PLD1: variants seen among roughly 807,000 people sequenced by gnomAD.
PLD1 encodes the protein choline phosphatase 1.
In PLD1, 112 loss-of-function variants were observed where a neutral mutation model predicts 137.1. That is an observed-to-expected ratio of 0.82 (90% CI 0.70 to 0.96). The LOEUF (loss-of-function observed/expected upper bound fraction) is 0.96. PLD1 is among the 40% of genes least tolerant of loss of function. The pLI is 0.00. For synonymous variants in PLD1, 431 were observed against 454.7 expected (o/e 0.95, Z 0.66); for missense variants, 1,321 against 1,342.0 (o/e 0.98, Z 0.24).
At chr3:171,639,241 T>C (rs1735426322) in intron 23 of PLD1, among the ~76,000 whole-genome samples, 1 of 141,906 alleles carries the variant, frequency 7.0e-6, no homozygotes, top group Admixed American at 7.2e-5. Flanking sequence ...TATACATATA[T>C]TTATAATATA....
At chr3:171,621,568 A>G (rs1030072307) in intron 23 of PLD1, among the ~76,000 whole-genome samples, 2 of 152,208 alleles carry the variant, frequency 1.3e-5, no homozygotes, top group African/African-American at 4.8e-5. Flanking sequence ...GGTATCTTGG[A>G]AAGAAATTCA....
In PLD1 at chr3:171,713,948, C is replaced by T; in HGVS notation, c.856G>A (p.Val286Met). 1.9e-6 allele frequency: 3 copies of T among 1,612,994 alleles called. No individual in the cohort carries two copies. The highest frequency in any genetic ancestry group is 2.5e-6 in the Non-Finnish European group (3 of 1,178,974). Reference protein sequence around the residue: ...LLVDKEFKIKVGKKETETKYG... With the variant: ...LLVDKEFKIKMGKKETETKYG... Reference sequence around the variant, plus strand: ...TTCGTTTCTGTCTCCTTCTTCCCCACCTTAATTTTGAATTCTTTGTCTACC... The same window carrying T: ...TTCGTTTCTGTCTCCTTCTTCCCCATCTTAATTTTGAATTCTTTGTCTACC... The change falls in exon 9 of 27, where the codon GTG (valine) becomes ATG (methionine). Residue 286 changes from valine to methionine, a missense_variant. Val to Met is a conservative substitution (Grantham distance 21). Transcript: ENST00000351298.
At chr3:171,797,795 G>A (rs557437640) in intron 1 of PLD1, among the ~76,000 whole-genome samples, 1 of 152,150 alleles carries the variant, frequency 6.6e-6, no homozygotes, top group East Asian at 1.9e-4. Context: ...TTTATTTTGG[G>A]CCTCTTATTT....
chr3:171,636,676 G>T (rs945323736), intron 23 of PLD1, among the ~76,000 whole-genome samples: 26 of 151,776 alleles, frequency 1.7e-4, no homozygotes, highest in African/African-American at 6.3e-4. Context: ...GAATTTCTTA[G>T]AATTTCCTGC....
chr3:171,664,370 A>G (rs1560193889), intron 19 of PLD1, among the ~76,000 whole-genome samples: 3 of 152,182 alleles, frequency 2.0e-5, no homozygotes, highest in Non-Finnish European at 4.4e-5. Flanking sequence ...CTTTGAGAAG[A>G]TTCTCATGCT....
intron 11 of PLD1, among the ~76,000 whole-genome samples, chr3:171,700,741 C>A (rs184103869): frequency 5.9e-5 from 9 of 152,200 alleles, no homozygotes; most frequent in Admixed American, 2.6e-4. Flanking sequence ...GGAAGGTCGG[C>A]TGATATATGA....
intron 1 of PLD1, among the ~76,000 whole-genome samples, 180 bp downstream of exon 1, chr3:171,810,219 G>A (rs1724057915): frequency 6.6e-6 from 1 of 152,362 alleles, no homozygotes; most frequent in East Asian, 1.9e-4. Context: ...GAAGGCGTGC[G>A]AGGGAGGCCC....
chr3:171,748,344 G>A (rs1450561660), intron 1 of PLD1, among the ~76,000 whole-genome samples: 2 of 152,094 alleles, frequency 1.3e-5, no homozygotes, highest in African/African-American at 4.8e-5. Flanking sequence ...TAAAAACTGT[G>A]GTCAGACTTC....
chr3:171,794,053 A>T (rs993030887), intron 1 of PLD1: 4 of 152,214 alleles, frequency 2.6e-5, no homozygotes, highest in Admixed American at 2.0e-4. Context: ...CTGAGGAAGG[A>T]GAATCGCTTG....
rs771056824 is a variant in PLD1, at chr3:171,737,670, A to T, written c.161-11T>A. 1 of 1,496,214 alleles carries T rather than the reference A, an allele frequency of 6.7e-7. No individual in the cohort carries two copies. Among genetic ancestry groups the T allele is most frequent in the Non-Finnish European group, 9.2e-7 (1 of 1,092,278 alleles). The allele number at this position is 1,496,214 out of a possible 1,614,324, so 92.7% of individuals were successfully genotyped here. A position where few individuals can be genotyped will look rare whatever the true frequency, so the allele number is the denominator to read the frequency against. On this transcript the variant is annotated splice_polypyrimidine_tract_variant and intron_variant, in intron 2 of 26. Coordinates refer to ENST00000351298, the MANE Select transcript of PLD1 (RefSeq NM_002662.5). ...AGAAAGGGATATACACTAAAAAAAA[A>T]AGTAAATAAAGTTAATGCAATATAT...
intron 1 of PLD1, among the ~76,000 whole-genome samples, chr3:171,795,300 G>A (rs575593532): frequency 6.6e-4 from 100 of 152,258 alleles, no homozygotes; most frequent in African/African-American, 2.3e-3. Context: ...AAGTGGGGCC[G>A]CCTTTATTCA....
chr3:171,615,161 G>A (rs1732994331), intron 24 of PLD1, among the ~76,000 whole-genome samples: 1 of 152,180 alleles, frequency 6.6e-6, no homozygotes, highest in South Asian at 2.1e-4. Flanking sequence ...AACAGTTGTA[G>A]TATTACCCTA....
At chr3:171,756,197 C>A (rs1481627979) in intron 1 of PLD1, among the ~76,000 whole-genome samples, 1 of 152,168 alleles carries the variant, frequency 6.6e-6, no homozygotes, top group Non-Finnish European at 1.5e-5. Flanking sequence ...ACCTTTCCAC[C>A]CCCTTCTGCC....
At chr3:171,632,832 C>T (rs1042934452) in intron 23 of PLD1, among the ~76,000 whole-genome samples, 1 of 152,168 alleles carries the variant, frequency 6.6e-6, no homozygotes, top group South Asian at 2.1e-4. Flanking sequence ...TTTTCTAAAG[C>T]ACATCTATGT....
chr3:171,620,259 G>A (rs979769841), intron 24 of PLD1, 127 bp downstream of exon 24: 10 of 603,662 alleles, frequency 1.7e-5, no homozygotes, highest in Middle Eastern at 6.0e-4. Context: ...CTTCAGAAAT[G>A]TTTTAGTTAT....
rs536502548 is a variant in PLD1, at chr3:171,684,772, AGAGG to A, written c.1867+1909_1867+1912del. On this transcript the variant is annotated intron_variant, in intron 16 of 26. Coordinates refer to ENST00000351298, the MANE Select transcript of PLD1 (RefSeq NM_002662.5). The stretch of plus-strand genomic sequence containing the variant: ...CACCACACTCAGCTAATTTTTGTAG[AGAGG>A]GGGTTTCACTGCGTTGCCGAAGATG... Among the ~76,000 whole-genome samples, 29 of 152,144 alleles carry A rather than the reference AGAGG, an allele frequency of 1.9e-4. No homozygotes were observed. In the South Asian group the frequency reaches 6.0e-3, roughly 32 times the overall value.
intron 24 of PLD1, among the ~76,000 whole-genome samples, chr3:171,613,346 G>C (rs538991609): frequency 1.3e-5 from 2 of 151,906 alleles, no homozygotes; most frequent in African/African-American, 2.4e-5. Context: ...TTTCTACCTT[G>C]TGGCACAAAA....
At chr3:171,724,469 G>A (rs560229494) in intron 8 of PLD1, among the ~76,000 whole-genome samples, 2 of 152,158 alleles carry the variant, frequency 1.3e-5, no homozygotes, top group East Asian at 1.9e-4. Context: ...CAATTTGTGC[G>A]TTCTTTGTCC....
chr3:171,611,518 C>G (rs1732656223), intron 25 of PLD1: 1 of 502,380 alleles, frequency 2.0e-6, no homozygotes. Flanking sequence ...GATCGCACAG[C>G]TGAAACGAGC....
Sources: allele counts gnomAD v4.1 joint callset (sites outside exome capture counted in the v4.1 genomes callset), GRCh38; gene constraint gnomAD v4.1.1; transcripts MANE v1.5; gene names NCBI Gene and HGNC (gene_info 2026-07-23, HGNC 2026-07-21).